DYNC2H1: variants seen among roughly 807,000 people sequenced by gnomAD.
The protein encoded by DYNC2H1 is dynein cytoplasmic 2 heavy chain 1.
A neutral mutation model predicts 570.0 loss-of-function variants in DYNC2H1; 410 were observed. The observed-to-expected ratio is 0.72, with a 90% confidence interval of 0.66 to 0.78. The LOEUF is 0.78. Ranked by LOEUF, DYNC2H1 falls within the 30% of genes least tolerant of loss-of-function variation. DYNC2H1 has a pLI of 0.00. For synonymous variants in DYNC2H1, 1,688 were observed against 1,677.6 expected (o/e 1.01, Z -0.15); for missense variants, 4,865 against 5,046.4 (o/e 0.96, Z 1.09).
chr11:103,331,420 A>G (rs1938785225), intron 82 of DYNC2H1, among the ~76,000 whole-genome samples: 1 of 152,154 alleles, frequency 6.6e-6, no homozygotes, highest in South Asian at 2.1e-4. Context: ...TACCCTAAGT[A>G]AAAGGAATCT....
At position 103,275,869 on chromosome 11, in the gene DYNC2H1, A is replaced by G. The variant is rs1865886990; in HGVS notation, c.10696-4479A>G. ...GTAGACATAACATTTCAACACATTT[A>G]GGTAAATACCAAGGAAGGCAATTTC... is the stretch of plus-strand genomic sequence containing the variant. On this transcript the variant is annotated intron_variant, in intron 70 of 88. Coordinates refer to ENST00000375735, the MANE Select transcript of DYNC2H1 (RefSeq NM_001377.3). This position sits in a 1 kb window ranked among gnomAD's most constrained non-coding sequence, Gnocchi z 4.8. Among the ~76,000 whole-genome samples the G allele has an allele frequency of 6.6e-6, 1 of 152,212 alleles. No homozygotes were observed. The highest frequency in any genetic ancestry group is 2.1e-4 in the South Asian group (1 of 4,834).
At chr11:103,285,247 AAGAAGC>A (rs1866299273) in intron 73 of DYNC2H1, among the ~76,000 whole-genome samples, 1 of 152,104 alleles carries the variant, frequency 6.6e-6, no homozygotes, top group East Asian at 1.9e-4. Context: ...ATTTGTACCC[AAGAAGC>A]AGGGTAAGGA....
intron 84 of DYNC2H1, chr11:103,402,862 A>T (rs1343260263): frequency 6.6e-6 from 1 of 152,110 alleles, no homozygotes; most frequent in African/African-American, 2.4e-5. Context: ...AATAAGTGGT[A>T]TGGGTCTGCC....
At chr11:103,287,775 G>T in intron 75 of DYNC2H1, 170 bp downstream of exon 75, 1 of 608,318 alleles carries the variant, frequency 1.6e-6, no homozygotes, top group Non-Finnish European at 2.7e-6. Flanking sequence ...TTCTCGGCTG[G>T]GCATGGTGGC....
At chr11:103,456,485 A>G (rs758201370) in intron 87 of DYNC2H1, 129 bp downstream of exon 87, 5 of 583,608 alleles carry the variant, frequency 8.6e-6, no homozygotes, top group East Asian at 3.1e-5. Context: ...TGTATTATCT[A>G]TGTGAAAAAT....
intron 26 of DYNC2H1, 21 bp downstream of exon 26, chr11:103,156,791 C>G: frequency 6.3e-7 from 1 of 1,581,896 alleles, no homozygotes; most frequent in Non-Finnish European, 8.5e-7. Flanking sequence ...TGATGTAAGA[C>G]ATAGACACAT....
At position 103,186,390 on chromosome 11, in the gene DYNC2H1, C is replaced by T. The variant is rs1261041974; in HGVS notation, c.6782C>T (p.Pro2261Leu). The change falls in exon 42 of 89, where the codon CCA becomes CTA. Residue 2261 changes from proline to leucine, a missense_variant. Physicochemically the swap from Pro to Leu is moderately conservative, Grantham distance 98. Transcript: ENST00000375735. The surrounding 1 kb of genome is among the most constrained non-coding windows in gnomAD (Gnocchi z 4.5). The stretch of plus-strand genomic sequence containing the variant: ...GATTTCAGTAACGGCTTAACTCTTC[C>T]AGTCATTCAGACTCCTGACATGCAA... ...ADDFSNGLTL[P>L]VIQTPDMQRG... 1.2e-6 allele frequency: 2 copies of T among 1,612,774 alleles called. No individual in the cohort carries two copies. Among genetic ancestry groups the T allele is most frequent in the African/African-American group, 2.7e-5 (2 of 74,836 alleles).
intron 37 of DYNC2H1, 114 bp downstream of exon 37, chr11:103,176,548 A>C: frequency 4.2e-5 from 36 of 852,774 alleles, no homozygotes; most frequent in Non-Finnish European, 5.7e-5. Context: ...CTTAGATCTC[A>C]CTTGCTCAGG....
At chr11:103,464,379 A>C (rs1422897904) in intron 87 of DYNC2H1, among the ~76,000 whole-genome samples, 3 of 152,220 alleles carry the variant, frequency 2.0e-5, no homozygotes, top group African/African-American at 7.2e-5. Context: ...ATAGTTTCAG[A>C]TACTCCAACC....
chr11:103,204,921 A>G lies in DYNC2H1; in HGVS notation c.8411A>G (p.Gln2804Arg). 6.3e-7 allele frequency: 1 copy of G among 1,593,754 alleles called. No individual in the cohort carries two copies. Among genetic ancestry groups the G allele is most frequent in the Non-Finnish European group, 8.6e-7 (1 of 1,168,794 alleles). Residue 2804 changes from glutamine to arginine, a missense_variant, in exon 52 of 89, where the codon CAG (glutamine) becomes CGG (arginine). By Grantham distance (43) the Gln-to-Arg change is conservative (BLOSUM62 1). Transcript: ENST00000375735. This position sits in a 1 kb window ranked among gnomAD's most constrained non-coding sequence, Gnocchi z 4.1. ...AATCCAGCTTTGCATAAGAAATGCC[A>G]GGTGTTGTGGATGGAGGGTTGGTCC... ...ESNPALHKKC[Q>R]VLWMEGWSNS...
At chr11:103,372,427 G>GT (rs1160281278) in intron 83 of DYNC2H1, among the ~76,000 whole-genome samples, 1 of 152,030 alleles carries the variant, frequency 6.6e-6, no homozygotes, top group African/African-American at 2.4e-5. Context: ...TTTGTTGATA[G>GT]TTTTTTTGTC....
intron 17 of DYNC2H1, among the ~76,000 whole-genome samples, chr11:103,142,752 G>T (rs1289889814): frequency 6.6e-6 from 1 of 152,194 alleles, no homozygotes. Context: ...GCCCTCAAAT[G>T]TTACTGAAAT....
intron 88 of DYNC2H1, among the ~76,000 whole-genome samples, chr11:103,473,831 G>A (rs1020919303): frequency 9.2e-5 from 14 of 152,268 alleles, no homozygotes; most frequent in Admixed American, 7.2e-4. Context: ...GAGCCAGCCT[G>A]AACCCATGAG....
chr11:103,127,400 G>T (rs902878037), intron 12 of DYNC2H1, among the ~76,000 whole-genome samples: 4 of 152,208 alleles, frequency 2.6e-5, no homozygotes, highest in African/African-American at 9.7e-5. Context: ...TGGCTAGATT[G>T]TAACAGAATA....
At chr11:103,449,142 G>T (rs1944517569) in intron 85 of DYNC2H1, among the ~76,000 whole-genome samples, 1 of 152,140 alleles carries the variant, frequency 6.6e-6, no homozygotes, top group Admixed American at 6.5e-5. Flanking sequence ...AAGTGCCATG[G>T]CCTGAGGCAA....
intron 84 of DYNC2H1, among the ~76,000 whole-genome samples, chr11:103,415,531 C>G (rs886837427): frequency 1.3e-5 from 2 of 152,130 alleles, no homozygotes; most frequent in Non-Finnish European, 1.5e-5. Context: ...TCTATGCAGC[C>G]AACAGACACA....
intron 79 of DYNC2H1, 67 bp downstream of exon 79, chr11:103,312,100 G>C: frequency 6.6e-7 from 1 of 1,520,912 alleles, no homozygotes; most frequent in East Asian, 2.4e-5. Context: ...TATTTTTGTG[G>C]CCAGGCATGG....
At chr11:103,466,800 A>G (rs750968828) in intron 87 of DYNC2H1, among the ~76,000 whole-genome samples, 1 of 152,188 alleles carries the variant, frequency 6.6e-6, no homozygotes, top group Non-Finnish European at 1.5e-5. Context: ...ATTCTTATAT[A>G]TGACAAGTAA....
rs1340929135 is a variant in DYNC2H1 at position 103,275,473 on chromosome 11, C to T, written c.10696-4875C>T. 6.6e-6 allele frequency among the ~76,000 whole-genome samples: 1 copy of T among 152,186 alleles called. No individual in the cohort carries two copies. Among genetic ancestry groups the T allele is most frequent in the Non-Finnish European group, 1.5e-5 (1 of 68,040 alleles). On this transcript the variant is annotated intron_variant, in intron 70 of 88. Coordinates refer to ENST00000375735, the MANE Select transcript of DYNC2H1 (RefSeq NM_001377.3). The surrounding 1 kb of genome is among the most constrained non-coding windows in gnomAD (Gnocchi z 4.8). The stretch of plus-strand genomic sequence containing the variant: ...AGTATCTTACAGAGTAGTTTCACTG[C>T]TCTTAAAATATTCTCTGCCTTATCA...
Sources: gnomAD v4.1 joint callset for allele counts (sites outside exome capture counted in the v4.1 genomes callset) on GRCh38, gnomAD v4.1.1 for gene constraint, Gnocchi (gnomAD v3.1) non-coding constraint, MANE v1.5 for transcripts, NCBI Gene and HGNC (gene_info 2026-07-23, HGNC 2026-07-21) for gene names.